The following HELZ variants were observed in gnomAD, a reference collection of about 807,000 sequenced individuals.
The protein encoded by HELZ is ATP-dependent RNA helicase with zinc finger domain.
A neutral mutation model predicts 218.2 loss-of-function variants in HELZ; 23 were observed. The observed-to-expected ratio is 0.11, with a 90% CI of 0.08 to 0.15. The LOEUF (loss-of-function observed/expected upper bound fraction) is 0.15. Ranked by LOEUF, HELZ falls within the 10% of genes least tolerant of loss-of-function variation. The probability of loss-of-function intolerance (pLI) is 1.00; values close to 1 mark genes in which losing one functional copy is unlikely to be tolerated. For synonymous variants in HELZ, 814 were observed against 829.4 expected, an observed-to-expected ratio of 0.98 and a Z score of 0.32; for missense variants, 1,813 against 2,353.7, an observed-to-expected ratio of 0.77 and a Z score of 4.75.
At chr17:67,111,996 T>C (rs1163909713) in intron 28 of HELZ, among the ~76,000 whole-genome samples, 1 of 152,188 alleles carries the variant, frequency 6.6e-6, no homozygotes, top group African/African-American at 2.4e-5. Flanking sequence ...GACCCTGACA[T>C]TGAAAGGAAG....
At chr17:67,203,703 G>A (rs765810723) in intron 5 of HELZ, among the ~76,000 whole-genome samples, 4 of 152,254 alleles carry the variant, frequency 2.6e-5, no homozygotes, top group East Asian at 1.9e-4. Context: ...TTAAGCTCTC[G>A]AGGGAAAAAT....
At chr17:67,102,783 T>C (rs2036969977) in intron 31 of HELZ, among the ~76,000 whole-genome samples, 1 of 152,162 alleles carries the variant, frequency 6.6e-6, no homozygotes, top group Admixed American at 6.5e-5. Context: ...TGTCAGTAAA[T>C]CACTCATTTG....
At chr17:67,090,304 A>G (rs1192588320) in intron 31 of HELZ, among the ~76,000 whole-genome samples, 1 of 152,168 alleles carries the variant, frequency 6.6e-6, no homozygotes, top group Non-Finnish European at 1.5e-5. Context: ...GCTAAATTCA[A>G]ATGGCTAATG....
intron 5 of HELZ, among the ~76,000 whole-genome samples, chr17:67,207,273 T>C (rs1358519669): frequency 7.5e-6 from 1 of 132,546 alleles, no homozygotes; most frequent in Non-Finnish European, 1.5e-5. Flanking sequence ...CAGGCTGGAG[T>C]GCAGTGGCAT....
rs371772432 is a variant in HELZ at position 67,132,055 on chromosome 17, A to G, written c.3183-3200T>C. On this transcript the variant is annotated intron_variant, in intron 23 of 32. Transcript: ENST00000358691. ...TTTTTTTAGTACTATTGGTTTAAAAACCCAAGTGTGTATTACACTGTAATA... is the reference window on the plus strand; with the variant it reads ...TTTTTTTAGTACTATTGGTTTAAAAGCCCAAGTGTGTATTACACTGTAATA... Among the ~76,000 whole-genome samples the G allele has an allele frequency of 5.3e-5, 8 of 152,234 alleles. No individual in the cohort carries two copies. The South Asian group carries it at 1.0e-3, about 20-fold the overall frequency.
Position 67,123,094 on chromosome 17 carries a change from C to T in HELZ, c.3506G>A (p.Gly1169Glu). The change falls in exon 26 of 33, where the codon GGA (glycine) becomes GAA (glutamate). Residue 1169 changes from glycine to glutamate, a missense_variant. Transcript: ENST00000358691. ...AGATTTTCCCAAATTTGGGTGAGGT[C>T]CAAGAGGGGGTGGAGGAGTATATGC... ...IRAYTPPPPL[G>E]PHPNLGKSPS... 4 of 1,613,302 alleles carry T rather than the reference C, an allele frequency of 2.5e-6. No homozygotes were observed. The highest frequency in any genetic ancestry group is 3.4e-6 in the Non-Finnish European group (4 of 1,179,460).
chr17:67,196,009 G>T (rs1184168581), intron 7 of HELZ, among the ~76,000 whole-genome samples: 1 of 151,498 alleles, frequency 6.6e-6, no homozygotes, highest in Non-Finnish European at 1.5e-5. Context: ...CCACCACCAC[G>T]CCTGACTAAT....
chr17:67,133,643 T>G (rs1021520120), intron 23 of HELZ, among the ~76,000 whole-genome samples: 7 of 152,032 alleles, frequency 4.6e-5, no homozygotes, highest in African/African-American at 1.7e-4. Flanking sequence ...GCCTCCTGAG[T>G]AGCTGGGACC....
At chr17:67,089,668 TAGAGAGAGAGAG>T (rs1555595394) in intron 31 of HELZ, among the ~76,000 whole-genome samples, 2 of 70,640 alleles carry the variant, frequency 2.8e-5, no homozygotes, top group African/African-American at 1.2e-4. Context: ...TATATATATA[TAGAGAGAGAGAG>T]AGAGAGAGAG....
chr17:67,137,236 G>A (rs1217182815), intron 22 of HELZ, among the ~76,000 whole-genome samples: 2 of 152,050 alleles, frequency 1.3e-5, no homozygotes, highest in Non-Finnish European at 2.9e-5. Context: ...CTCCTCTCCA[G>A]GCCAAACAAT....
intron 20 of HELZ, among the ~76,000 whole-genome samples, chr17:67,147,710 C>T (rs576767172): frequency 6.6e-6 from 1 of 151,656 alleles, no homozygotes; most frequent in African/African-American, 2.4e-5. Context: ...CCTCGAACTC[C>T]TGAACTCAAG....
chr17:67,165,302 T>C (rs546215071), intron 15 of HELZ, among the ~76,000 whole-genome samples: 2 of 152,380 alleles, frequency 1.3e-5, no homozygotes, highest in South Asian at 4.1e-4. Flanking sequence ...CGTGTTGTTC[T>C]GTTTTTAGGA....
At chr17:67,118,554 T>C (rs1013838740) in intron 27 of HELZ, among the ~76,000 whole-genome samples, 2 of 151,696 alleles carry the variant, frequency 1.3e-5, no homozygotes, top group Non-Finnish European at 2.9e-5. Flanking sequence ...TGAAAGATAC[T>C]GTTAAGAAAA....
intron 31 of HELZ, among the ~76,000 whole-genome samples, chr17:67,098,263 T>C (rs1453714756): frequency 6.6e-6 from 1 of 152,236 alleles, no homozygotes; most frequent in African/African-American, 2.4e-5. Context: ...CTCCACTCCC[T>C]TGAGTTAATA....
chr17:67,188,151 G>A lies in HELZ; in HGVS notation c.1162+168C>T. 1 of 627,554 alleles carries A rather than the reference G, an allele frequency of 1.6e-6. No individual in the cohort carries two copies. The highest frequency in any genetic ancestry group is 2.7e-6 in the Non-Finnish European group (1 of 374,480). The allele number at this position is 627,554 out of a possible 1,614,324, so 38.9% of individuals were successfully genotyped here. A position where few individuals can be genotyped will look rare whatever the true frequency, so the allele number is the denominator to read the frequency against. On this transcript the variant is annotated intron_variant, in intron 12 of 32. Transcript: ENST00000358691. The surrounding 1 kb of genome is among the most constrained non-coding windows in gnomAD (Gnocchi z 4.1). ...GGCTCTGTGAAGAAATCAGGGCACA[G>A]TGTGAATCATTATAAGCCCATTACA...
intron 32 of HELZ, among the ~76,000 whole-genome samples, chr17:67,081,440 T>C (rs1207554500): frequency 6.6e-6 from 1 of 152,106 alleles, no homozygotes; most frequent in African/African-American, 2.4e-5. Context: ...AACAGAGAGG[T>C]GAGTTAGTTC....
chr17:67,215,056 A>C (rs1227833080), intron 5 of HELZ, among the ~76,000 whole-genome samples: 1 of 152,022 alleles, frequency 6.6e-6, no homozygotes, highest in Non-Finnish European at 1.5e-5. Context: ...AGGCAGGAGG[A>C]CTGCTTGAGC....
At chr17:67,220,652 C>A (rs2040718125) in intron 3 of HELZ, among the ~76,000 whole-genome samples, 1 of 151,982 alleles carries the variant, frequency 6.6e-6, no homozygotes, top group South Asian at 2.1e-4. Flanking sequence ...CCCGCTAAAT[C>A]GTTATTTTAT....
intron 13 of HELZ, among the ~76,000 whole-genome samples, chr17:67,170,028 TG>T (rs1421696401): frequency 6.6e-6 from 1 of 152,222 alleles, no homozygotes; most frequent in African/African-American, 2.4e-5. Context: ...CCTGACACAC[TG>T]GAACAGCAGT....
Sources: allele counts gnomAD v4.1 joint callset (sites outside exome capture counted in the v4.1 genomes callset), GRCh38; gene constraint gnomAD v4.1.1; non-coding constraint Gnocchi (gnomAD v3.1); transcripts MANE v1.5; gene names NCBI Gene and HGNC (gene_info 2026-07-23, HGNC 2026-07-21).